Variants in ZNF75A observed in about 807,000 individuals in gnomAD.
ZNF75A encodes zinc finger protein 75A.
In ZNF75A, 36 loss-of-function variants were observed where a neutral mutation model predicts 46.3. The observed-to-expected ratio is 0.78, with a 90% CI of 0.60 to 1.03. ZNF75A has a LOEUF of 1.03. Ranked by LOEUF, ZNF75A falls within the 50% of genes least tolerant of loss-of-function variation. The pLI is 0.00. For synonymous variants in ZNF75A, 234 were observed against 189.9 expected (o/e 1.23, Z -1.91); for missense variants, 595 against 551.3 (o/e 1.08, Z -0.79).
intron 2 of ZNF75A, among the ~76,000 whole-genome samples, chr16:3,309,937 A>C (rs757902780): frequency 3.2e-4 from 48 of 151,958 alleles, no homozygotes; most frequent in Admixed American, 7.9e-4. Context: ...TATGAAAAAA[A>C]AAAAGAAAAT....
chr16:3,308,991 C>A, intron 2 of ZNF75A, 155 bp downstream of exon 2: 2 of 288,930 alleles, frequency 6.9e-6, no homozygotes, highest in Non-Finnish European at 5.2e-6. Context: ...AACTACAGGC[C>A]CACAGAAAAG....
intron 3 of ZNF75A, chr16:3,312,306 A>T (rs1960868331): frequency 6.6e-6 from 1 of 152,264 alleles, no homozygotes; most frequent in Admixed American, 6.5e-5. Flanking sequence ...GCAGAATGTG[A>T]AAACAGTTGT....
At chr16:3,310,913 C>T (rs1248772342) in intron 2 of ZNF75A, 7 of 985,324 alleles carry the variant, frequency 7.1e-6, no homozygotes, top group African/African-American at 1.7e-5. Flanking sequence ...GAATACAGGG[C>T]AGGACCTATG....
At chr16:3,320,513 A>C (rs1475393676), downstream of ZNF75A, among the ~76,000 whole-genome samples, 1 of 152,186 alleles carries the variant, frequency 6.6e-6, no homozygotes, top group Non-Finnish European at 1.5e-5. Flanking sequence ...GGACCACTTA[A>C]GACCTCCCAA....
chr16:3,308,641 A>C lies in ZNF75A; in HGVS notation c.213A>C (p.Glu71Asp). The change falls in exon 2 of 7, where the codon GAA (glutamate) becomes GAC (aspartate). Residue 71 changes from glutamate (E) to aspartate (D), a missense_variant. Coordinates refer to ENST00000669516, the MANE Select transcript of ZNF75A (RefSeq NM_001302109.2). ...GPREAVSKLQ[E>D]LCHLWLKPEI... ...GTGAGGCTGTCAGCAAACTTCAAGA[A>C]TTATGTCATCTATGGCTGAAGCCAG... 9.1e-6 allele frequency: 9 copies of C among 987,296 alleles called. No individual in the cohort carries two copies. Among genetic ancestry groups the C allele is most frequent in the Non-Finnish European group, 1.1e-5 (9 of 830,258 alleles). The allele number at this position is 987,296 out of a possible 1,614,324, so 61.2% of individuals were successfully genotyped here.
chr16:3,318,084 C>G lies in ZNF75A; in HGVS notation c.*215C>G, dbSNP rs1359935344. On this transcript the variant is annotated 3_prime_UTR_variant, in exon 7 of 7. Transcript: ENST00000669516. The stretch of plus-strand genomic sequence containing the variant: ...TAAACATTGTTGGCTTTGTATTGAT[C>G]TCTCCAGTCATTTTTGAACACATCC... The G allele has an allele frequency of 7.4e-7, 1 of 1,344,252 alleles. No homozygotes were observed. The highest frequency in any genetic ancestry group is 1.5e-5 in the African/African-American group (1 of 67,726). 83.3% of individuals were successfully genotyped at this position (1,344,252 alleles called of 1,614,324 possible).
chr16:3,321,331 G>A (rs1259907045), downstream of ZNF75A, among the ~76,000 whole-genome samples: 15 of 152,072 alleles, frequency 9.9e-5, no homozygotes, highest in Admixed American at 9.2e-4. Flanking sequence ...CAGCCTTACC[G>A]TGGCTTCACG....
Position 3,312,041 on chromosome 16 carries a change from C to T in ZNF75A, c.604+93C>T, listed in dbSNP as rs1410034213. 14 of 665,872 alleles carry T rather than the reference C, an allele frequency of 2.1e-5. No homozygotes were observed. In the Admixed American group the frequency reaches 8.2e-4, roughly 39 times the overall value. The allele number at this position is 665,872 out of a possible 1,614,324, so 41.2% of individuals were successfully genotyped here. On this transcript the variant is annotated intron_variant, in intron 3 of 6. Coordinates refer to ENST00000669516, the MANE Select transcript of ZNF75A (RefSeq NM_001302109.2). Reference sequence around the variant, plus strand: ...ATGGGCATTTTTTGAATACCCTGCTCTGTGGATTTGTAAAACCAGCCTTGA... The same window carrying T: ...ATGGGCATTTTTTGAATACCCTGCTTTGTGGATTTGTAAAACCAGCCTTGA...
intron 2 of ZNF75A, 91 bp from the exon 3 acceptor site, chr16:3,311,662 C>G: frequency 6.4e-6 from 4 of 627,952 alleles, no homozygotes; most frequent in Non-Finnish European, 8.0e-6. Context: ...CTTATACTAC[C>G]CACAATGTGG....
chr16:3,319,797 A>ATTT, downstream of ZNF75A, among the ~76,000 whole-genome samples: 1 of 133,350 alleles, frequency 7.5e-6, no homozygotes, highest in Non-Finnish European at 1.6e-5. Context: ...TTTTTTTTTT[A>ATTT]TTTTTTTTTT....
At chr16:3,312,503 A>T (rs1960885450) in intron 3 of ZNF75A, 174 bp from the exon 4 acceptor site, 1 of 153,580 alleles carries the variant, frequency 6.5e-6, no homozygotes, top group Admixed American at 6.5e-5. Context: ...AACTAGTTCT[A>T]GGGGCTGGTG....
In ZNF75A at chr16:3,317,864, C is replaced by T. The variant is rs902129268; in HGVS notation, c.1609C>T (p.Leu537=). ...CCTTCTTAGACACCAGAAACTCCAC[C>T]TGTGAAGAGAAGCTTGTCCAGTGTC... ...SSLLRHQKLH[L] Residue 537 remains leucine (L), a synonymous_variant, in exon 7 of 7, where the codon CTG becomes TTG. Transcript: ENST00000669516. 1.2e-6 allele frequency: 2 copies of T among 1,602,726 alleles called. No individual in the cohort carries two copies. The highest frequency in any genetic ancestry group is 1.7e-6 in the Non-Finnish European group (2 of 1,173,898).
chr16:3,322,072 C>A (rs576245477), downstream of ZNF75A, among the ~76,000 whole-genome samples: 5 of 152,164 alleles, frequency 3.3e-5, no homozygotes, highest in African/African-American at 1.2e-4. Flanking sequence ...CCCTGTTACT[C>A]TTCTCTTGGA....
At position 3,308,556 on chromosome 16, in the gene ZNF75A, A is replaced by T; in HGVS notation, c.128A>T (p.Asp43Val). ...SKKSPQMDCL[D>V]PKSSCWHFRN... is the part of the protein sequence containing the mutation. ...AAATCTCCTCAAATGGACTGTCTCGATCCTAAGAGCTCTTGCTGGCACTTC... is the reference window on the plus strand; with the variant it reads ...AAATCTCCTCAAATGGACTGTCTCGTTCCTAAGAGCTCTTGCTGGCACTTC... Residue 43 changes from aspartate (D) to valine (V), a missense_variant, in exon 2 of 7, where the codon GAT becomes GTT. Coordinates refer to ENST00000669516, the MANE Select transcript of ZNF75A (RefSeq NM_001302109.2). The T allele has an allele frequency of 1.0e-6, 1 of 985,900 alleles. No individual in the cohort carries two copies. Among genetic ancestry groups the T allele is most frequent in the Non-Finnish European group, 1.2e-6 (1 of 829,964 alleles). The allele number at this position is 985,900 out of a possible 1,614,324, so 61.1% of individuals were successfully genotyped here. A position where few individuals can be genotyped will look rare whatever the true frequency, so the allele number is the denominator to read the frequency against.
At chr16:3,321,498 T>G (rs780416185), downstream of ZNF75A, among the ~76,000 whole-genome samples, 6 of 152,170 alleles carry the variant, frequency 3.9e-5, no homozygotes, top group Non-Finnish European at 8.8e-5. Context: ...CAGATATATT[T>G]TATTTTTGAG....
chr16:3,319,099 A>G (rs1350685392), downstream of ZNF75A, among the ~76,000 whole-genome samples: 1 of 151,884 alleles, frequency 6.6e-6, no homozygotes, highest in East Asian at 1.9e-4. Flanking sequence ...TAAATAACTG[A>G]CCTCTTCCAA....
chr16:3,319,063 G>A (rs544375797), downstream of ZNF75A, among the ~76,000 whole-genome samples: 3 of 152,224 alleles, frequency 2.0e-5, no homozygotes, highest in South Asian at 6.2e-4. Context: ...TCCTTTTAGA[G>A]CTCTTAGGTA....
intron 5 of ZNF75A, among the ~76,000 whole-genome samples, chr16:3,315,699 C>G (rs1413697810): frequency 2.0e-5 from 3 of 152,198 alleles, no homozygotes; most frequent in Non-Finnish European, 4.4e-5. Context: ...TCGCTCTTGT[C>G]CTCCCACAGT....
chr16:3,319,864 A>G (rs1163238613), downstream of ZNF75A, among the ~76,000 whole-genome samples: 1 of 150,472 alleles, frequency 6.6e-6, no homozygotes, highest in Non-Finnish European at 1.5e-5. Flanking sequence ...TCATGGAACC[A>G]CATACAGAGA....
Sources: allele counts gnomAD v4.1 joint callset (sites outside exome capture counted in the v4.1 genomes callset), GRCh38; gene constraint gnomAD v4.1.1; transcripts MANE v1.5; gene names NCBI Gene and HGNC (gene_info 2026-07-23, HGNC 2026-07-21).